The following PDGFD variants were observed in gnomAD, a reference collection of about 807,000 sequenced individuals.
PDGFD encodes platelet-derived growth factor D.
Under a neutral mutation model 44.7 loss-of-function variants are expected in PDGFD, and 30 were observed. The ratio of observed to expected loss-of-function variants is 0.67; its 90% CI spans 0.50 to 0.91. The LOEUF (loss-of-function observed/expected upper bound fraction) is 0.91, where lower values mean the gene tolerates loss of function less well. PDGFD is among the 40% of genes least tolerant of loss of function. PDGFD has a pLI of 0.00. For synonymous variants in PDGFD, 173 were observed against 168.4 expected, an observed-to-expected ratio of 1.03 and a Z score of -0.21; for missense variants, 445 against 457.8, an observed-to-expected ratio of 0.97 and a Z score of 0.25.
intron 1 of PDGFD, among the ~76,000 whole-genome samples, chr11:104,052,007 ATTGCTCCACATTCCCCGTTCCTCCTTGC>A (rs1860546639): frequency 1.3e-5 from 2 of 152,074 alleles, no homozygotes; most frequent in South Asian, 4.1e-4. Flanking sequence ...ACCTTATGCA[ATTGCTCCACATTCCCCGTTCCTCCTTGC>A]CCCTGGCAAC....
In PDGFD at chr11:104,163,868, G is replaced by A. The variant is rs2119945336; in HGVS notation, c.60C>T (p.Asp20=). ...ATGCGCTCTGCGGGGTTGCAGAAGTGTCCCGACAGCTGCAAAAGTTTGCGC... is the reference window on the plus strand; with the variant it reads ...ATGCGCTCTGCGGGGTTGCAGAAGTATCCCGACAGCTGCAAAAGTTTGCGC... ...LICANFCSCR[D]TSATPQSASI... The change falls in exon 1 of 7, where the codon GAC becomes GAT. Residue 20 remains aspartate, a synonymous_variant. Transcript: ENST00000393158. 6.3e-7 allele frequency: 1 copy of A among 1,579,394 alleles called. No individual in the cohort carries two copies. The highest frequency in any genetic ancestry group is 8.7e-7 in the Non-Finnish European group (1 of 1,154,440).
intron 1 of PDGFD, among the ~76,000 whole-genome samples, chr11:104,090,447 C>T (rs544396043): frequency 6.7e-6 from 1 of 148,388 alleles, no homozygotes; most frequent in East Asian, 2.0e-4. Context: ...CAGTGATACC[C>T]TGTCTCTACC....
At chr11:103,985,234 C>T (rs1444781849) in intron 3 of PDGFD, among the ~76,000 whole-genome samples, 1 of 147,050 alleles carries the variant, frequency 6.8e-6, no homozygotes, top group African/African-American at 2.6e-5. Flanking sequence ...CAAGGTCTTG[C>T]CTTATCACCA....
intron 6 of PDGFD, 91 bp from the exon 7 acceptor site, chr11:103,909,910 C>A (rs1858001379): frequency 1.3e-6 from 2 of 1,515,152 alleles, no homozygotes; most frequent in Non-Finnish European, 1.8e-6. Context: ...ACAACTAGTT[C>A]TTAGCCCTTT....
intron 1 of PDGFD, among the ~76,000 whole-genome samples, chr11:104,042,592 C>T (rs1271330450): frequency 6.6e-6 from 1 of 152,156 alleles, no homozygotes; most frequent in Non-Finnish European, 1.5e-5. Context: ...ATACAAATTA[C>T]CAGATAATTT....
intron 1 of PDGFD, among the ~76,000 whole-genome samples, chr11:104,056,538 T>C (rs1376684120): frequency 1.3e-5 from 2 of 151,804 alleles, no homozygotes; most frequent in Admixed American, 6.6e-5. Flanking sequence ...CATGTGAGGA[T>C]AGAAGCAGAG....
intron 1 of PDGFD, among the ~76,000 whole-genome samples, chr11:104,046,252 C>T (rs1860440886): frequency 6.8e-6 from 1 of 147,452 alleles, no homozygotes; most frequent in African/African-American, 2.5e-5. Flanking sequence ...CCTGTTGAAC[C>T]AACCAGTTCT....
At chr11:103,910,481 G>A (rs912686929) in intron 6 of PDGFD, among the ~76,000 whole-genome samples, 1 of 152,194 alleles carries the variant, frequency 6.6e-6, no homozygotes, top group South Asian at 2.1e-4. Flanking sequence ...CCCCTCAGCC[G>A]CGAAGTGCAA....
At chr11:104,159,008 C>A (rs1372328759) in intron 1 of PDGFD, among the ~76,000 whole-genome samples, 1 of 151,670 alleles carries the variant, frequency 6.6e-6, no homozygotes, top group African/African-American at 2.4e-5. Flanking sequence ...CAAAAATTAG[C>A]CCGAGGCGGT....
chr11:104,091,125 T>C (rs1861207302), intron 1 of PDGFD, among the ~76,000 whole-genome samples: 1 of 152,160 alleles, frequency 6.6e-6, no homozygotes, highest in Non-Finnish European at 1.5e-5. Context: ...TAAATTAAAA[T>C]AGAGTCTCTG....
intron 1 of PDGFD, among the ~76,000 whole-genome samples, chr11:104,090,988 C>G (rs559172234): frequency 2.6e-5 from 4 of 151,994 alleles, no homozygotes; most frequent in Admixed American, 2.6e-4. Context: ...TCTCAAAAGC[C>G]CCCCCATGCA....
intron 1 of PDGFD, among the ~76,000 whole-genome samples, chr11:104,026,563 T>C (rs536487669): frequency 2.0e-5 from 3 of 152,340 alleles, no homozygotes; most frequent in East Asian, 1.9e-4. Context: ...TGTTATCCCA[T>C]GACACAGATC....
At chr11:104,021,148 G>GA (rs1458707271) in intron 1 of PDGFD, among the ~76,000 whole-genome samples, 1 of 152,076 alleles carries the variant, frequency 6.6e-6, no homozygotes, top group African/African-American at 2.4e-5. Context: ...CTAGTCCATG[G>GA]ATCCCATCTG....
At chr11:104,085,189 C>G (rs918119098) in intron 1 of PDGFD, among the ~76,000 whole-genome samples, 3 of 151,862 alleles carry the variant, frequency 2.0e-5, no homozygotes, top group Non-Finnish European at 4.4e-5. Context: ...ATTCTGTCAC[C>G]ACAAAGAAAC....
intron 3 of PDGFD, among the ~76,000 whole-genome samples, chr11:103,978,054 T>C (rs924922904): frequency 1.3e-5 from 2 of 152,092 alleles, no homozygotes; most frequent in African/African-American, 4.8e-5. Flanking sequence ...AGCTTCATCA[T>C]CCGGCTCCAT....
chr11:104,076,037 G>A (rs1435776344), intron 1 of PDGFD, among the ~76,000 whole-genome samples: 5 of 152,152 alleles, frequency 3.3e-5, no homozygotes, highest in African/African-American at 1.2e-4. Context: ...GAATCATGGG[G>A]CTGGTTCCTC....
intron 2 of PDGFD, among the ~76,000 whole-genome samples, 161 bp downstream of exon 2, chr11:103,999,890 G>A (rs1378409815): frequency 3.8e-4 from 53 of 140,702 alleles, no homozygotes; most frequent in Admixed American, 3.5e-3. Context: ...AGCAGTCTAC[G>A]CTATCTTGTC....
intron 4 of PDGFD, chr11:103,946,460 G>A (rs556725554): frequency 1.3e-5 from 2 of 152,172 alleles, no homozygotes; most frequent in Non-Finnish European, 2.9e-5. Flanking sequence ...GTCCTTTAAG[G>A]CTTGTAATTC....
At chr11:104,094,494 C>G (rs938986826) in intron 1 of PDGFD, among the ~76,000 whole-genome samples, 1 of 152,034 alleles carries the variant, frequency 6.6e-6, no homozygotes, top group South Asian at 2.1e-4. Context: ...CTTCACTTTT[C>G]TAAAATCAAA....
Sources: allele counts gnomAD v4.1 joint callset (sites outside exome capture counted in the v4.1 genomes callset), GRCh38; gene constraint gnomAD v4.1.1; transcripts MANE v1.5; gene names NCBI Gene and HGNC (gene_info 2026-07-23, HGNC 2026-07-21).